YPEL2: variants seen among roughly 807,000 people sequenced by gnomAD.
The protein encoded by YPEL2 is protein yippee-like 2.
In YPEL2, 2 loss-of-function variants were observed where a neutral mutation model predicts 19.1. The ratio of observed to expected loss-of-function variants is 0.10; its 90% CI spans 0.04 to 0.33. The LOEUF is 0.33. YPEL2 is among the 10% of genes least tolerant of loss of function. The probability of loss-of-function intolerance (pLI) is 1.00; values close to 1 mark genes in which losing one functional copy is unlikely to be tolerated. For missense variants in YPEL2, 66 were observed against 140.7 expected, an observed-to-expected ratio of 0.47 and a Z score of 2.68; for synonymous variants, 52 against 50.0, an observed-to-expected ratio of 1.04 and a Z score of -0.17.
intron 2 of YPEL2, among the ~76,000 whole-genome samples, chr17:59,367,274 AAG>A (rs1311261471): frequency 6.6e-6 from 1 of 152,216 alleles, no homozygotes; most frequent in African/African-American, 2.4e-5. Flanking sequence ...GGGCTAAAAA[AAG>A]AAATGACTTC....
At chr17:59,361,058 C>A (rs2047838157) in intron 2 of YPEL2, among the ~76,000 whole-genome samples, 1 of 152,162 alleles carries the variant, frequency 6.6e-6, no homozygotes, top group Non-Finnish European at 1.5e-5. Flanking sequence ...TCTCGACCTC[C>A]TGACCTCAAG....
At chr17:59,380,833 A>G (rs2047945497) in intron 2 of YPEL2, among the ~76,000 whole-genome samples, 1 of 152,208 alleles carries the variant, frequency 6.6e-6, no homozygotes, top group South Asian at 2.1e-4. Flanking sequence ...TGTAACTGGA[A>G]AGTATCATTG....
At chr17:59,389,257 C>T in intron 3 of YPEL2, 103 bp from the exon 4 acceptor site, 1 of 1,067,850 alleles carries the variant, frequency 9.4e-7, no homozygotes, top group East Asian at 2.6e-5. Flanking sequence ...GTTGGCTCCC[C>T]TTGGGACAGC....
At chr17:59,344,221 G>A (rs995696799) in intron 1 of YPEL2, among the ~76,000 whole-genome samples, 3 of 152,140 alleles carry the variant, frequency 2.0e-5, no homozygotes, top group Admixed American at 2.0e-4. Flanking sequence ...AAGGGGTCAA[G>A]GGTTCAGGAG....
chr17:59,389,724 ACTCGACAG>A (rs2047998397), intron 4 of YPEL2, among the ~76,000 whole-genome samples: 1 of 151,604 alleles, frequency 6.6e-6, no homozygotes, highest in Admixed American at 6.6e-5. Context: ...ATATAACCTT[ACTCGACAG>A]CTCACTAGAT....
intron 2 of YPEL2, among the ~76,000 whole-genome samples, chr17:59,384,112 G>A (rs1249351144): frequency 2.0e-5 from 3 of 152,032 alleles, no homozygotes; most frequent in African/African-American, 7.2e-5. Flanking sequence ...GCCAACACTT[G>A]GTTTTGTCAG....
chr17:59,359,743 C>G (rs1023571238), intron 2 of YPEL2, among the ~76,000 whole-genome samples: 11 of 152,210 alleles, frequency 7.2e-5, no homozygotes, highest in African/African-American at 2.7e-4. Flanking sequence ...GCATAAATGT[C>G]TATCTCAAAA....
chr17:59,400,830 C>T lies in YPEL2; in HGVS notation c.*3640C>T, dbSNP rs1353311815. ...CTTTAACTACAGTTTACACCTCGGG[C>T]GCATAAAGTTTTTCTTCTCTTTCTC... On this transcript the variant is annotated 3_prime_UTR_variant, in exon 5 of 5. Transcript: ENST00000312655. 6.6e-6 allele frequency: 1 copy of T among 152,578 alleles called. No individual in the cohort carries two copies. The highest frequency in any genetic ancestry group is 1.5e-5 in the Non-Finnish European group (1 of 68,042). 9.5% of individuals were successfully genotyped at this position (152,578 alleles called of 1,614,324 possible).
chr17:59,332,322 T>G (rs931178760), intron 1 of YPEL2, among the ~76,000 whole-genome samples: 1 of 152,124 alleles, frequency 6.6e-6, no homozygotes, highest in African/African-American at 2.4e-5. Context: ...GGCCTTCCAC[T>G]GTGGGACTGG....
intron 1 of YPEL2, among the ~76,000 whole-genome samples, chr17:59,343,330 C>T (rs567992677): frequency 6.6e-6 from 1 of 151,994 alleles, no homozygotes; most frequent in South Asian, 2.1e-4. Context: ...TTCCAGTATG[C>T]TGGAGCTGTG....
At chr17:59,356,407 C>T (rs893610198) in intron 2 of YPEL2, 2 of 152,128 alleles carry the variant, frequency 1.3e-5, no homozygotes, top group Non-Finnish European at 1.5e-5. Flanking sequence ...TTCAGGCTCC[C>T]TTCTATCAGT....
chr17:59,373,966 G>A (rs895538495), intron 2 of YPEL2, among the ~76,000 whole-genome samples: 2 of 152,216 alleles, frequency 1.3e-5, no homozygotes, highest in Non-Finnish European at 2.9e-5. Context: ...CAGGAAGTTT[G>A]AAAACACAAG....
At chr17:59,374,689 T>C (rs7224233) in intron 2 of YPEL2, among the ~76,000 whole-genome samples, 2 of 152,174 alleles carry the variant, frequency 1.3e-5, no homozygotes, top group South Asian at 4.1e-4. Context: ...TAGAAAACAA[T>C]AGTGAACATG....
rs117655863 is a variant in YPEL2, at chr17:59,373,571, C to T, written c.118-14756C>T. 4.7e-3 allele frequency among the ~76,000 whole-genome samples: 713 copies of T among 152,324 alleles called. 8 individuals carry two copies. In the Middle Eastern group the frequency reaches 0.051, roughly 11 times the overall value. On this transcript the variant is annotated intron_variant, in intron 2 of 4. Transcript: ENST00000312655. ...GCTAGATGGACTAGCTATATACTCT[C>T]TGCGGTGCCCAGCAAGGCTCCGGAC...
At chr17:59,371,095 G>A (rs1227244959) in intron 2 of YPEL2, among the ~76,000 whole-genome samples, 1 of 152,182 alleles carries the variant, frequency 6.6e-6, no homozygotes, top group Non-Finnish European at 1.5e-5. Flanking sequence ...CTTCCTCCCT[G>A]GCCTGCTGGC....
At chr17:59,348,523 C>T (rs897520287) in intron 1 of YPEL2, among the ~76,000 whole-genome samples, 7 of 152,236 alleles carry the variant, frequency 4.6e-5, no homozygotes, top group African/African-American at 1.7e-4. Flanking sequence ...TTGGCATGTG[C>T]TCCCTGTGCA....
At chr17:59,388,715 C>A (rs932977951) in intron 3 of YPEL2, 2 of 297,874 alleles carry the variant, frequency 6.7e-6, no homozygotes, top group Admixed American at 4.6e-5. Flanking sequence ...GAAAAAGACA[C>A]CAAGATCTGC....
intron 1 of YPEL2, among the ~76,000 whole-genome samples, chr17:59,345,579 T>C (rs1002268380): frequency 1.3e-5 from 2 of 152,184 alleles, no homozygotes; most frequent in Non-Finnish European, 1.5e-5. Context: ...GTGTTAGGAA[T>C]GACAGCAATA....
chr17:59,340,325 TCTCGAA>T (rs2047722141), intron 1 of YPEL2, among the ~76,000 whole-genome samples: 1 of 152,014 alleles, frequency 6.6e-6, no homozygotes, highest in South Asian at 2.1e-4. Context: ...GCCAGGCTGG[TCTCGAA>T]CTCCTGACCT....
Sources: gnomAD v4.1 joint callset for allele counts (sites outside exome capture counted in the v4.1 genomes callset) on GRCh38, gnomAD v4.1.1 for gene constraint, MANE v1.5 for transcripts, NCBI Gene and HGNC (gene_info 2026-07-23, HGNC 2026-07-21) for gene names.